Variants in NHSL2 observed in about 807,000 individuals in gnomAD.
NHSL2 encodes NHS like 2.
A neutral mutation model predicts 53.4 loss-of-function variants in NHSL2; 27 were observed. That is an observed-to-expected ratio of 0.51 (90% CI 0.37 to 0.70). The LOEUF is 0.70. NHSL2 is among the 30% of genes least tolerant of loss of function. The pLI, the probability that NHSL2 is intolerant of heterozygous loss-of-function variation, is 0.00. For missense variants in NHSL2, 892 were observed against 980.1 expected, an observed-to-expected ratio of 0.91 and a Z score of 1.20; for synonymous variants, 408 against 404.1, an observed-to-expected ratio of 1.01 and a Z score of -0.12.
Position 72,145,514 on chromosome X carries a change from A to G in NHSL2, c.*1940A>G, listed in dbSNP as rs905154637. 1.8e-5 allele frequency: 2 copies of G among 112,447 alleles called. No homozygotes were observed. Among genetic ancestry groups the G allele is most frequent in the African/African-American group, 6.5e-5 (2 of 30,935 alleles). 9.3% of individuals were successfully genotyped at this position (112,447 alleles called of 1,213,427 possible). ...GTGTGAAGTTCTTAACCAAATTCCAAATTCCAGGGATTTTGCCCAAAATAA... is the reference window on the plus strand; with the variant it reads ...GTGTGAAGTTCTTAACCAAATTCCAGATTCCAGGGATTTTGCCCAAAATAA... On this transcript the variant is annotated 3_prime_UTR_variant, in exon 8 of 8. Coordinates refer to ENST00000633930, the MANE Select transcript of NHSL2 (RefSeq NM_001013627.3).
intron 1 of NHSL2, among the ~76,000 whole-genome samples, chrX:72,050,807 T>G (rs913859334): frequency 1.8e-5 from 2 of 109,573 alleles, no homozygotes; most frequent in Non-Finnish European, 3.8e-5. Context: ...GAGAATTGCT[T>G]GAACCCGGGA....
chrX:72,080,478 A>T (rs1045772410), intron 1 of NHSL2, among the ~76,000 whole-genome samples: 2 of 110,329 alleles, frequency 1.8e-5, no homozygotes, highest in Non-Finnish European at 3.8e-5. Flanking sequence ...TCATAATCGG[A>T]TGGCTTTGGA....
At chrX:72,016,423 A>G (rs1044322680) in intron 1 of NHSL2, among the ~76,000 whole-genome samples, 8 of 112,155 alleles carry the variant, frequency 7.1e-5, no homozygotes, top group African/African-American at 2.3e-4. Context: ...CTTTTCCCCA[A>G]AAAAATTGTT....
intron 1 of NHSL2, among the ~76,000 whole-genome samples, chrX:72,117,452 C>G (rs1459952985): frequency 3.7e-5 from 4 of 108,018 alleles, no homozygotes; most frequent in Non-Finnish European, 7.6e-5. Flanking sequence ...CATGTGCAAA[C>G]CACACAATTC....
intron 7 of NHSL2, among the ~76,000 whole-genome samples, chrX:72,142,736 C>A (rs770759234): frequency 1.8e-5 from 2 of 111,504 alleles, no homozygotes; most frequent in South Asian, 7.7e-4. Context: ...TTTAACCCTT[C>A]ACAGAATTCC....
intron 1 of NHSL2, among the ~76,000 whole-genome samples, chrX:71,943,766 C>A (rs1225165850): frequency 2.7e-5 from 3 of 112,285 alleles, no homozygotes; most frequent in Admixed American, 9.4e-5. Context: ...TATACTTTGG[C>A]CTGAAAGTAA....
intron 1 of NHSL2, among the ~76,000 whole-genome samples, chrX:72,065,163 A>G (rs2042420852): frequency 8.9e-6 from 1 of 111,853 alleles, no homozygotes; most frequent in Non-Finnish European, 1.9e-5. Flanking sequence ...TTTCAGAGGG[A>G]TCATCAAGGA....
At chrX:72,129,880 G>C in intron 1 of NHSL2, 1 of 1,208,057 alleles carries the variant, frequency 8.3e-7, no homozygotes, top group Non-Finnish European at 1.1e-6. Flanking sequence ...CTGTCTCGGA[G>C]TGAGGCGGAA....
intron 1 of NHSL2, among the ~76,000 whole-genome samples, chrX:72,019,458 T>C (rs1160297185): frequency 8.9e-6 from 1 of 112,238 alleles, no homozygotes; most frequent in Non-Finnish European, 1.9e-5. Context: ...ACAAATGCGA[T>C]GATTTAGTCA....
At chrX:72,063,106 G>A (rs1047576047) in intron 1 of NHSL2, among the ~76,000 whole-genome samples, 1 of 112,081 alleles carries the variant, frequency 8.9e-6, no homozygotes, top group East Asian at 2.8e-4. Flanking sequence ...GCCTTGGCTG[G>A]TTCCACCCCC....
intron 1 of NHSL2, among the ~76,000 whole-genome samples, chrX:71,972,027 T>A (rs1256370937): frequency 9.0e-6 from 1 of 111,673 alleles, no homozygotes; most frequent in Non-Finnish European, 1.9e-5. Context: ...TATGGGAATG[T>A]CTTTATTTTA....
At chrX:72,077,578 G>A (rs1261221997) in intron 1 of NHSL2, among the ~76,000 whole-genome samples, 1 of 111,828 alleles carries the variant, frequency 8.9e-6, no homozygotes, top group Non-Finnish European at 1.9e-5. Context: ...CCCAAAGAAC[G>A]CCCAAACCTG....
intron 1 of NHSL2, among the ~76,000 whole-genome samples, chrX:72,122,387 C>T (rs2042188202): frequency 8.9e-6 from 1 of 112,577 alleles, no homozygotes; most frequent in Non-Finnish European, 1.9e-5. Flanking sequence ...AATAACACTA[C>T]CTACCTTATA....
chrX:72,044,749 G>A, intron 1 of NHSL2: 1 of 993,966 alleles, frequency 1.0e-6, no homozygotes, highest in Non-Finnish European at 1.4e-6. Context: ...CAAGCTGTAT[G>A]TGAAGCTACA....
Position 72,097,634 on chromosome X carries a change from G to A in NHSL2, c.281-34445G>A, listed in dbSNP as rs190558753. ...GTTCTTGCAGACCCACCCTTCGGAAGCTATTATCTGCTTGACAGTCTGCTG... is the reference window on the plus strand; with the variant it reads ...GTTCTTGCAGACCCACCCTTCGGAAACTATTATCTGCTTGACAGTCTGCTG... On this transcript the variant is annotated intron_variant, in intron 1 of 7. Transcript: ENST00000633930. 4.5e-5 allele frequency among the ~76,000 whole-genome samples: 5 copies of A among 111,872 alleles called. No homozygotes were observed. In the East Asian group the frequency reaches 1.4e-3, roughly 31 times the overall value.
At chrX:72,022,620 A>G (rs1854373483) in intron 1 of NHSL2, among the ~76,000 whole-genome samples, 1 of 111,404 alleles carries the variant, frequency 9.0e-6, no homozygotes, top group Admixed American at 9.5e-5. Flanking sequence ...ACCCTCAAGA[A>G]CTAATCACCT....
chrX:71,919,504 T>C (rs1328918170), intron 1 of NHSL2, among the ~76,000 whole-genome samples: 1 of 112,304 alleles, frequency 8.9e-6, no homozygotes, highest in African/African-American at 3.2e-5. Context: ...AGAATGTTCC[T>C]AGACAGCTAT....
intron 1 of NHSL2, among the ~76,000 whole-genome samples, chrX:71,935,866 C>T (rs942988114): frequency 1.8e-5 from 2 of 111,538 alleles, no homozygotes; most frequent in Admixed American, 1.9e-4. Flanking sequence ...AGAGGCTTTT[C>T]ATAAATAGGA....
At chrX:71,926,994 C>A (rs1386856355) in intron 1 of NHSL2, among the ~76,000 whole-genome samples, 1 of 111,617 alleles carries the variant, frequency 9.0e-6, no homozygotes, top group Non-Finnish European at 1.9e-5. Flanking sequence ...GTCTATAATT[C>A]TATAAAGGAG....
Sources: gnomAD v4.1 joint callset for allele counts (sites outside exome capture counted in the v4.1 genomes callset) on GRCh38, gnomAD v4.1.1 for gene constraint, MANE v1.5 for transcripts, NCBI Gene and HGNC (gene_info 2026-07-23, HGNC 2026-07-21) for gene names.